The following RORA variants were observed in gnomAD, a reference collection of about 807,000 sequenced individuals.
The protein encoded by RORA is nuclear receptor ROR-alpha.
A neutral mutation model predicts 69.5 loss-of-function variants in RORA; 7 were observed. The ratio of observed to expected loss-of-function variants is 0.10; its 90% CI spans 0.06 to 0.19. RORA has a LOEUF of 0.19. Ranked by LOEUF, RORA falls within the 10% of genes least tolerant of loss-of-function variation. The probability of loss-of-function intolerance (pLI) is 1.00; values close to 1 mark genes in which losing one functional copy is unlikely to be tolerated. For synonymous variants in RORA, 261 were observed against 240.8 expected (o/e 1.08, Z -0.78); for missense variants, 457 against 663.0 (o/e 0.69, Z 3.41).
intron 3 of RORA, among the ~76,000 whole-genome samples, chr15:60,515,739 G>C (rs2141343091): frequency 6.8e-6 from 1 of 146,580 alleles, no homozygotes; most frequent in South Asian, 2.1e-4. Flanking sequence ...CCAAACACAT[G>C]GGGGCTTTTT....
At chr15:61,082,663 T>A (rs2078562909) in intron 1 of RORA, among the ~76,000 whole-genome samples, 1 of 152,328 alleles carries the variant, frequency 6.6e-6, no homozygotes, top group South Asian at 2.1e-4. Context: ...GAAAGATGGC[T>A]GCAGTTCTTC....
chr15:60,682,040 C>G (rs1047748360), intron 1 of RORA: 1 of 152,266 alleles, frequency 6.6e-6, no homozygotes. Context: ...GCGTGTATAG[C>G]CCATTTTCCT....
chr15:60,890,282 G>A (rs74017823), intron 1 of RORA, among the ~76,000 whole-genome samples: 21,793 of 152,112 alleles, frequency 0.14, 1,872 homozygotes, highest in Non-Finnish European at 0.19. Context: ...AGTGGAGGTG[G>A]GCCTGGAATA....
intron 2 of RORA, among the ~76,000 whole-genome samples, chr15:60,570,118 A>C (rs1283107475): frequency 1.3e-5 from 2 of 152,190 alleles, no homozygotes; most frequent in Non-Finnish European, 2.9e-5. Context: ...ACTCCGAGAC[A>C]AGAGAGAAGA....
intron 1 of RORA, among the ~76,000 whole-genome samples, chr15:60,823,166 C>T (rs1399893232): frequency 6.8e-6 from 1 of 147,724 alleles, no homozygotes; most frequent in African/African-American, 2.5e-5. Flanking sequence ...TTCATTTTCT[C>T]CCTTCCTTTC....
chr15:61,128,612 G>A lies in RORA; in HGVS notation c.166+100441C>T, dbSNP rs1251997583. ...CGATGTTGTCACATATATTCCCATGGTTTTTCCAGCTTTACGGAAGGGTTG... is the reference window on the plus strand; with the variant it reads ...CGATGTTGTCACATATATTCCCATGATTTTTCCAGCTTTACGGAAGGGTTG... On this transcript the variant is annotated intron_variant, in intron 1 of 10. Coordinates refer to ENST00000335670, the MANE Select transcript of RORA (RefSeq NM_134261.3). The surrounding 1 kb of genome is among the most constrained non-coding windows in gnomAD (Gnocchi z 4.5). 6.6e-6 allele frequency among the ~76,000 whole-genome samples: 1 copy of A among 152,184 alleles called. No homozygotes were observed. The highest frequency in any genetic ancestry group is 6.5e-5 in the Admixed American group (1 of 15,282).
At chr15:60,609,483 C>T (rs2069033276) in intron 2 of RORA, among the ~76,000 whole-genome samples, 1 of 152,042 alleles carries the variant, frequency 6.6e-6, no homozygotes, top group Non-Finnish European at 1.5e-5. Flanking sequence ...CATACCTGCT[C>T]AATGTTCTGA....
chr15:60,948,023 C>G (rs1566921380), intron 1 of RORA, among the ~76,000 whole-genome samples: 1 of 152,116 alleles, frequency 6.6e-6, no homozygotes, highest in Non-Finnish European at 1.5e-5. Context: ...GATGTCATGG[C>G]TAAGCCATTG....
intron 1 of RORA, among the ~76,000 whole-genome samples, chr15:61,042,233 A>G (rs1896808867): frequency 6.6e-6 from 1 of 152,216 alleles, no homozygotes; most frequent in African/African-American, 2.4e-5. Flanking sequence ...CAGATAGGCT[A>G]TGTGGTCTTA....
intron 2 of RORA, among the ~76,000 whole-genome samples, chr15:60,671,598 C>A (rs898343555): frequency 3.3e-5 from 5 of 151,584 alleles, no homozygotes; most frequent in African/African-American, 1.2e-4. Context: ...GGCAACATAG[C>A]AAGACTCTGT....
At chr15:60,618,115 T>C (rs1229904505) in intron 2 of RORA, among the ~76,000 whole-genome samples, 2 of 152,218 alleles carry the variant, frequency 1.3e-5, no homozygotes, top group Non-Finnish European at 2.9e-5. Context: ...GTTATCCATA[T>C]CTTTCTTTTC....
At chr15:60,978,053 C>G (rs1489007877) in intron 1 of RORA, among the ~76,000 whole-genome samples, 1 of 151,642 alleles carries the variant, frequency 6.6e-6, no homozygotes, top group African/African-American at 2.4e-5. Flanking sequence ...TCCACAGAGG[C>G]TGGATCATTA....
chr15:60,592,806 A>C (rs1174804235), intron 2 of RORA: 4 of 610,044 alleles, frequency 6.6e-6, no homozygotes, highest in Admixed American at 2.5e-5. Context: ...CTTCGGGATC[A>C]CCTGTGGCCG....
At chr15:60,979,687 C>A (rs1377811984) in intron 1 of RORA, among the ~76,000 whole-genome samples, 1 of 151,972 alleles carries the variant, frequency 6.6e-6, no homozygotes, top group East Asian at 1.9e-4. Context: ...TTATATCCTA[C>A]AACTTTGTTG....
At chr15:60,568,915 T>TA (rs2067792078) in intron 2 of RORA, among the ~76,000 whole-genome samples, 1 of 147,478 alleles carries the variant, frequency 6.8e-6, no homozygotes, top group African/African-American at 2.5e-5. Flanking sequence ...ATATTTTTCA[T>TA]ATGGATTTCA....
rs530837094 is a variant in RORA, at chr15:60,795,101, T to C, written c.167-116415A>G. Among the ~76,000 whole-genome samples the C allele has an allele frequency of 1.6e-4, 25 of 152,282 alleles. No homozygotes were observed. The East Asian group carries it at 4.6e-3, about 28-fold the overall frequency. ...CCATTTTGCTATGCATATAGGGTGA[T>C]ATCAGGTATCCAAAATCCCCACACA... On this transcript the variant is annotated intron_variant, in intron 1 of 10. Transcript: ENST00000335670.
chr15:60,806,679 T>A (rs986101171), intron 1 of RORA, among the ~76,000 whole-genome samples: 5 of 152,130 alleles, frequency 3.3e-5, no homozygotes, highest in South Asian at 2.1e-4. Flanking sequence ...ATTTTACAGA[T>A]GGAGAAACAA....
rs575789447 is a variant in RORA at position 60,947,107 on chromosome 15, A to T, written c.167-268421T>A. Among the ~76,000 whole-genome samples the T allele has an allele frequency of 6.1e-3, 833 of 137,530 alleles. 8 individuals carry two copies. The highest frequency in any genetic ancestry group is 0.021 in the African/African-American group (792 of 36,942). 90.2% of individuals were successfully genotyped at this position (137,530 alleles called of 152,430 possible). A position where few individuals can be genotyped will look rare whatever the true frequency, so the allele number is the denominator to read the frequency against. On this transcript the variant is annotated intron_variant, in intron 1 of 10. Coordinates refer to ENST00000335670, the MANE Select transcript of RORA (RefSeq NM_134261.3). Reference sequence around the variant, plus strand: ...CGGCCAGCCGCCCTGTCCGGGAGGGAGGTGGGGGGGTCAGCCCCCACCCGG... The same window carrying T: ...CGGCCAGCCGCCCTGTCCGGGAGGGTGGTGGGGGGGTCAGCCCCCACCCGG...
At chr15:60,770,583 G>A (rs531781048) in intron 1 of RORA, among the ~76,000 whole-genome samples, 2 of 152,318 alleles carry the variant, frequency 1.3e-5, no homozygotes, top group African/African-American at 2.4e-5. Context: ...AAAGGAAAGT[G>A]TAGGATGAGT....
Sources: allele counts gnomAD v4.1 joint callset (sites outside exome capture counted in the v4.1 genomes callset), GRCh38; gene constraint gnomAD v4.1.1; non-coding constraint Gnocchi (gnomAD v3.1); transcripts MANE v1.5; gene names NCBI Gene and HGNC (gene_info 2026-07-23, HGNC 2026-07-21).